The following GALNT17 variants were observed in gnomAD, a reference collection of about 807,000 sequenced individuals.
GALNT17 encodes polypeptide N-acetylgalactosaminyltransferase 17.
A neutral mutation model predicts 63.7 loss-of-function variants in GALNT17; 29 were observed. That is an observed-to-expected ratio of 0.46 (90% CI 0.34 to 0.62). The LOEUF is 0.62. GALNT17 is among the 20% of genes least tolerant of loss of function. The pLI, the probability that GALNT17 is intolerant of heterozygous loss-of-function variation, is 0.01. For synonymous variants in GALNT17, 305 were observed against 318.3 expected (o/e 0.96, Z 0.45); for missense variants, 603 against 799.6 (o/e 0.75, Z 2.97).
intron 1 of GALNT17, among the ~76,000 whole-genome samples, chr7:71,238,124 G>A (rs1361911927): frequency 1.3e-5 from 2 of 152,190 alleles, no homozygotes; most frequent in Non-Finnish European, 2.9e-5. Flanking sequence ...CAGCTCCCCT[G>A]TGGCACAGAG....
At chr7:71,507,939 C>A (rs868686394) in intron 5 of GALNT17, among the ~76,000 whole-genome samples, 1 of 151,988 alleles carries the variant, frequency 6.6e-6, no homozygotes, top group Non-Finnish European at 1.5e-5. Flanking sequence ...GTTCAATGCC[C>A]GAGGAGGATA....
intron 6 of GALNT17, among the ~76,000 whole-genome samples, chr7:71,660,598 T>A (rs1316724331): frequency 1.3e-5 from 2 of 152,220 alleles, no homozygotes; most frequent in African/African-American, 4.8e-5. Flanking sequence ...GTCTTATGTG[T>A]GGTAGAAACA....
At chr7:71,424,543 A>G (rs182567418) in intron 5 of GALNT17, among the ~76,000 whole-genome samples, 2 of 152,244 alleles carry the variant, frequency 1.3e-5, no homozygotes, top group Non-Finnish European at 2.9e-5. Context: ...TGCACTTTAA[A>G]AAGACTCAAG....
chr7:71,382,807 A>AGG (rs1168988976), intron 2 of GALNT17, among the ~76,000 whole-genome samples: 1 of 152,178 alleles, frequency 6.6e-6, no homozygotes, highest in Non-Finnish European at 1.5e-5. Context: ...AGGTAGAGAG[A>AGG]GAGAATGAAT....
At chr7:71,667,062 A>C (rs1310789131) in intron 7 of GALNT17, among the ~76,000 whole-genome samples, 1 of 152,230 alleles carries the variant, frequency 6.6e-6, no homozygotes, top group Non-Finnish European at 1.5e-5. Context: ...CAGCAGGGTA[A>C]CCTGCACCCT....
intron 3 of GALNT17, among the ~76,000 whole-genome samples, chr7:71,409,573 T>C (rs1793394612): frequency 6.6e-6 from 1 of 152,142 alleles, no homozygotes; most frequent in Admixed American, 6.6e-5. Context: ...TTGCCCACCA[T>C]TGTGGATGTG....
intron 1 of GALNT17, among the ~76,000 whole-genome samples, chr7:71,308,586 A>G (rs1222763300): frequency 1.5e-4 from 23 of 152,046 alleles, no homozygotes; most frequent in Non-Finnish European, 1.8e-4. Context: ...GGCTAGATCA[A>G]GAGCCCCTCT....
chr7:71,610,701 C>G (rs772342917), intron 6 of GALNT17, among the ~76,000 whole-genome samples: 1 of 152,012 alleles, frequency 6.6e-6, no homozygotes, highest in Non-Finnish European at 1.5e-5. Flanking sequence ...AATATTCAAT[C>G]TCCATCAAAA....
chr7:71,355,843 T>G (rs1242323625), intron 2 of GALNT17, among the ~76,000 whole-genome samples: 1 of 152,170 alleles, frequency 6.6e-6, no homozygotes, highest in Non-Finnish European at 1.5e-5. Flanking sequence ...GATTCTATTT[T>G]ACAACTGTTC....
chr7:71,443,005 T>C (rs73175297), intron 5 of GALNT17, among the ~76,000 whole-genome samples: 21,764 of 152,140 alleles, frequency 0.14, 1,659 homozygotes, highest in Middle Eastern at 0.21. Context: ...TTTATGAACA[T>C]TGAATTTCCG....
chr7:71,568,583 T>C (rs1346754930), intron 5 of GALNT17, among the ~76,000 whole-genome samples: 1 of 152,112 alleles, frequency 6.6e-6, no homozygotes, highest in Non-Finnish European at 1.5e-5. Context: ...ATGCGGTCTT[T>C]GGTTTTCTGT....
chr7:71,461,625 C>G lies in GALNT17; in HGVS notation c.962+40520C>G, dbSNP rs547556603. Among the ~76,000 whole-genome samples, 3 of 152,290 alleles carry G rather than the reference C, an allele frequency of 2.0e-5. No homozygotes were observed. In the East Asian group the frequency reaches 5.8e-4, roughly 29 times the overall value. Reference sequence around the variant, plus strand: ...TACTCAGTAGGGTGTAAACATACATCATTTAAATTAACATAAAAAGTCAGA... The same window carrying G: ...TACTCAGTAGGGTGTAAACATACATGATTTAAATTAACATAAAAAGTCAGA... On this transcript the variant is annotated intron_variant, in intron 5 of 10. Coordinates refer to ENST00000333538, the MANE Select transcript of GALNT17 (RefSeq NM_022479.3).
chr7:71,411,133 TC>T (rs1485761081), intron 3 of GALNT17, among the ~76,000 whole-genome samples: 4 of 151,964 alleles, frequency 2.6e-5, no homozygotes, highest in Non-Finnish European at 5.9e-5. Flanking sequence ...TCTTTTTTTT[TC>T]TTTTTTGAGA....
At chr7:71,628,769 C>G (rs977918845) in intron 6 of GALNT17, among the ~76,000 whole-genome samples, 5 of 151,396 alleles carry the variant, frequency 3.3e-5, no homozygotes, top group African/African-American at 7.3e-5. Context: ...CGTCTCTACT[C>G]ATAATATAAA....
intron 1 of GALNT17, among the ~76,000 whole-genome samples, chr7:71,304,347 G>A (rs969568873): frequency 2.0e-5 from 3 of 152,192 alleles, no homozygotes; most frequent in Admixed American, 6.5e-5. Flanking sequence ...TCATCAGTGC[G>A]TATATAGAAA....
At chr7:71,688,500 T>C (rs1205393385) in intron 9 of GALNT17, among the ~76,000 whole-genome samples, 2 of 151,964 alleles carry the variant, frequency 1.3e-5, no homozygotes, top group Non-Finnish European at 2.9e-5. Flanking sequence ...CTGCTTTGCT[T>C]CTCTTTTCTA....
intron 2 of GALNT17, among the ~76,000 whole-genome samples, chr7:71,386,854 T>C (rs1166585749): frequency 6.6e-6 from 1 of 152,082 alleles, no homozygotes; most frequent in Non-Finnish European, 1.5e-5. Flanking sequence ...ATTATTGGCG[T>C]GGGTGTTTTA....
chr7:71,354,041 T>C (rs1483587872), intron 2 of GALNT17, among the ~76,000 whole-genome samples: 1 of 152,062 alleles, frequency 6.6e-6, no homozygotes, highest in Admixed American at 6.6e-5. Flanking sequence ...GCTACACACT[T>C]TTAAACAACC....
intron 6 of GALNT17, among the ~76,000 whole-genome samples, chr7:71,581,489 T>C (rs6946213): frequency 2.6e-5 from 4 of 151,850 alleles, no homozygotes; most frequent in African/African-American, 9.7e-5. Flanking sequence ...TCGTGAGAAC[T>C]CACTCACTAT....
Sources: gnomAD v4.1 joint callset for allele counts (sites outside exome capture counted in the v4.1 genomes callset) on GRCh38, gnomAD v4.1.1 for gene constraint, MANE v1.5 for transcripts, NCBI Gene and HGNC (gene_info 2026-07-23, HGNC 2026-07-21) for gene names.